Variants in PYGO1 observed in about 807,000 individuals in gnomAD.
PYGO1 encodes the protein pygopus family PHD finger 1.
In PYGO1, 6 loss-of-function variants were observed where a neutral mutation model predicts 29.5. That is an observed-to-expected ratio of 0.20 (90% CI 0.11 to 0.40). The LOEUF is 0.40. Among genes scored for constraint, PYGO1 ranks in the 10% least tolerant of loss-of-function variants. The pLI is 1.00. For missense variants in PYGO1, 515 were observed against 514.9 expected, an observed-to-expected ratio of 1.00 and a Z score of 0.00; for synonymous variants, 186 against 180.5, an observed-to-expected ratio of 1.03 and a Z score of -0.24.
At chr15:55,576,696 G>T (rs1431991636) in intron 1 of PYGO1, among the ~76,000 whole-genome samples, 2 of 143,190 alleles carry the variant, frequency 1.4e-5, no homozygotes, top group Non-Finnish European at 3.0e-5. Context: ...GCTTGAACCC[G>T]GGAGGTGGAG....
chr15:55,572,707 T>C (rs773838007), intron 1 of PYGO1, among the ~76,000 whole-genome samples: 5 of 152,052 alleles, frequency 3.3e-5, no homozygotes, highest in Non-Finnish European at 7.4e-5. Context: ...AAACAATGCT[T>C]AATCAATGGA....
intron 1 of PYGO1, among the ~76,000 whole-genome samples, chr15:55,554,130 C>T (rs2058892484): frequency 6.6e-6 from 1 of 152,112 alleles, no homozygotes; most frequent in African/African-American, 2.4e-5. Flanking sequence ...TGCCTCTTCT[C>T]CTCCTAATGA....
upstream of PYGO1, chr15:55,588,735 G>C: frequency 6.5e-7 from 1 of 1,539,132 alleles, no homozygotes; most frequent in African/African-American, 1.4e-5. Flanking sequence ...GGGCATCTCC[G>C]AACTTCGTCG....
chr15:55,583,889 T>C (rs2059035661), intron 1 of PYGO1, among the ~76,000 whole-genome samples: 1 of 152,154 alleles, frequency 6.6e-6, no homozygotes, highest in Admixed American at 6.5e-5. Flanking sequence ...TCCTAGACCC[T>C]TTCTCACATT....
rs780439675 is a variant in PYGO1 at position 55,546,806 on chromosome 15, T to C, written c.477A>G (p.Pro159=). ...GPHDNSSFGN[P]SYNNALSQNV... ...TCTGACTTAGTGCATTATTATAAGA[T>C]GGATTACCGAAACTTGAATTATCAT... The change falls in exon 3 of 3, where the codon CCA becomes CCG. Residue 159 remains proline (P), a synonymous_variant. Coordinates refer to ENST00000563719, the MANE Select transcript of PYGO1 (RefSeq NM_001367806.1). 6.8e-6 allele frequency: 11 copies of C among 1,614,004 alleles called. No individual in the cohort carries two copies. The highest frequency in any genetic ancestry group is 1.3e-5 in the African/African-American group (1 of 75,018).
At chr15:55,548,683 C>A (rs1228407807) in intron 2 of PYGO1, among the ~76,000 whole-genome samples, 1 of 126,138 alleles carries the variant, frequency 7.9e-6, no homozygotes, top group Non-Finnish European at 1.6e-5. Flanking sequence ...TCACTCCAGT[C>A]TGGCAACAGA....
chr15:55,571,743 C>T (rs370405162), intron 1 of PYGO1, among the ~76,000 whole-genome samples: 8 of 152,052 alleles, frequency 5.3e-5, no homozygotes, highest in African/African-American at 1.7e-4. Flanking sequence ...TTATCAGCAG[C>T]GTGAAAATCA....
intron 1 of PYGO1, among the ~76,000 whole-genome samples, chr15:55,554,484 A>AAG (rs1207097260): frequency 2.0e-5 from 3 of 147,914 alleles, no homozygotes; most frequent in African/African-American, 7.6e-5. Flanking sequence ...AAAAAAAAAA[A>AAG]AAAAAAAAAG....
At position 55,544,293 on chromosome 15, in the gene PYGO1, AC is replaced by A. The variant is rs2058840164; in HGVS notation, c.*1729del. On this transcript the variant is annotated 3_prime_UTR_variant, in exon 3 of 3. Coordinates refer to ENST00000563719, the MANE Select transcript of PYGO1 (RefSeq NM_001367806.1). Reference sequence around the variant, plus strand: ...CTTCCAACAGAATATTAAAGGTCTAACTTTTATAAAATTCATCATTTGTTAG... The same window carrying A: ...CTTCCAACAGAATATTAAAGGTCTAATTTTATAAAATTCATCATTTGTTAG... 6.6e-6 allele frequency: 1 copy of A among 152,226 alleles called. No homozygotes were observed. Among genetic ancestry groups the A allele is most frequent in the Non-Finnish European group, 1.5e-5 (1 of 68,026 alleles). The allele number at this position is 152,226 out of a possible 1,614,324, so 9.4% of individuals were successfully genotyped here. A position where few individuals can be genotyped will look rare whatever the true frequency, so the allele number is the denominator to read the frequency against.
rs893702032 is a variant in PYGO1 at position 55,542,074 on chromosome 15, G to A, written c.*3949C>T. 1.3e-5 allele frequency: 2 copies of A among 152,118 alleles called. 1 individual carries two copies. The highest frequency in any genetic ancestry group is 2.9e-5 in the Non-Finnish European group (2 of 68,020). The allele number at this position is 152,118 out of a possible 1,614,324, so 9.4% of individuals were successfully genotyped here. A position where few individuals can be genotyped will look rare whatever the true frequency, so the allele number is the denominator to read the frequency against. ...AAGAAACCTCTATACACGGCAGAAAGAAATCCAAAACTCTTGAGAACTCCC... is the reference window on the plus strand; with the variant it reads ...AAGAAACCTCTATACACGGCAGAAAAAAATCCAAAACTCTTGAGAACTCCC... On this transcript the variant is annotated 3_prime_UTR_variant, in exon 3 of 3. Transcript: ENST00000563719.
At position 55,546,763 on chromosome 15, in the gene PYGO1, G is replaced by A; in HGVS notation, c.520C>T (p.Gln174Ter). The A allele has an allele frequency of 6.2e-7, 1 of 1,614,062 alleles. No homozygotes were observed. Among genetic ancestry groups the A allele is most frequent in the Non-Finnish European group, 8.5e-7 (1 of 1,179,976 alleles). The change falls in exon 3 of 3, where the codon CAA (glutamine) becomes TAA (stop). Residue 174 changes from glutamine to a stop codon, truncating the protein, a stop_gained. Coordinates refer to ENST00000563719, the MANE Select transcript of PYGO1 (RefSeq NM_001367806.1). LOFTEE classifies it high-confidence loss of function. ...TCAGCAGGATTTTGTCTAAAATGTT[G>A]ATTAGGCATGTTGACATTCTGACTT... ...ALSQNVNMPN[Q>*]HFRQNPAENF...
At chr15:55,578,674 A>T (rs1445624966) in intron 1 of PYGO1, among the ~76,000 whole-genome samples, 1 of 152,168 alleles carries the variant, frequency 6.6e-6, no homozygotes, top group African/African-American at 2.4e-5. Flanking sequence ...TGTCTATTCA[A>T]TCCTTTGGCC....
At chr15:55,572,214 A>T (rs1385253839) in intron 1 of PYGO1, among the ~76,000 whole-genome samples, 1 of 152,228 alleles carries the variant, frequency 6.6e-6, no homozygotes, top group African/African-American at 2.4e-5. Context: ...CACATTCACC[A>T]TGGAACACAA....
chr15:55,557,663 T>A (rs1414860125), intron 1 of PYGO1, among the ~76,000 whole-genome samples: 1 of 152,178 alleles, frequency 6.6e-6, no homozygotes, highest in African/African-American at 2.4e-5. Flanking sequence ...GTGGGCTTCA[T>A]CCTTGGGATG....
At chr15:55,556,217 C>T (rs2141654230) in intron 1 of PYGO1, among the ~76,000 whole-genome samples, 1 of 152,286 alleles carries the variant, frequency 6.6e-6, no homozygotes, top group East Asian at 1.9e-4. Flanking sequence ...TTTTCATCGA[C>T]ACATGGCACT....
intron 1 of PYGO1, among the ~76,000 whole-genome samples, chr15:55,555,644 G>A (rs1368549800): frequency 6.6e-6 from 1 of 151,902 alleles, no homozygotes; most frequent in African/African-American, 2.4e-5. Flanking sequence ...TGCACGTTGT[G>A]CACATGTACC....
chr15:55,571,194 C>T (rs893515284), intron 1 of PYGO1, among the ~76,000 whole-genome samples: 5 of 152,114 alleles, frequency 3.3e-5, no homozygotes, highest in African/African-American at 1.2e-4. Context: ...AATTTCCTTC[C>T]TTTTTGTGGC....
intron 1 of PYGO1, among the ~76,000 whole-genome samples, chr15:55,558,329 G>A (rs1361454644): frequency 6.6e-6 from 1 of 151,338 alleles, no homozygotes; most frequent in Non-Finnish European, 1.5e-5. Flanking sequence ...ACAAACCACT[G>A]CTCAACAAAA....
rs1160488904 is a variant in PYGO1, at chr15:55,546,464, T to A, written c.819A>T (p.Leu273Phe). ...CTGCATTGTTTCGATTAACATTTTTTAATTCAATATTACTCTGATTCACTG... is the reference window on the plus strand; with the variant it reads ...CTGCATTGTTTCGATTAACATTTTTAAATTCAATATTACTCTGATTCACTG... ...DDTVNQSNIELKNVNRNNAVN... is the reference protein window; with the variant it reads ...DDTVNQSNIEFKNVNRNNAVN... Residue 273 changes from leucine (L) to phenylalanine (F), a missense_variant, in exon 3 of 3, where the codon TTA (leucine) becomes TTT (phenylalanine). Transcript: ENST00000563719. 3.1e-6 allele frequency: 5 copies of A among 1,614,198 alleles called. No individual in the cohort carries two copies. The highest frequency in any genetic ancestry group is 4.2e-6 in the Non-Finnish European group (5 of 1,180,018).
Sources: allele counts gnomAD v4.1 joint callset (sites outside exome capture counted in the v4.1 genomes callset), GRCh38; gene constraint gnomAD v4.1.1; transcripts MANE v1.5; gene names NCBI Gene and HGNC (gene_info 2026-07-23, HGNC 2026-07-21).